The following CDYL variants were observed in gnomAD, a reference collection of about 807,000 sequenced individuals.
The protein encoded by CDYL is chromodomain Y like, also known as chromodomain Y-like protein.
CDYL carries 8 observed loss-of-function variants against 47.3 expected under a neutral mutation model. The observed-to-expected ratio is 0.17, with a 90% CI of 0.10 to 0.31. The LOEUF (loss-of-function observed/expected upper bound fraction) is 0.31. Among genes scored for constraint, CDYL ranks in the 10% least tolerant of loss-of-function variants. The probability of loss-of-function intolerance (pLI) is 1.00; values close to 1 mark genes in which losing one functional copy is unlikely to be tolerated. For synonymous variants in CDYL, 266 were observed against 265.0 expected, an observed-to-expected ratio of 1.00 and a Z score of -0.04; for missense variants, 471 against 701.4, an observed-to-expected ratio of 0.67 and a Z score of 3.71.
At position 4,726,277 on chromosome 6, in the gene CDYL, G is replaced by A. The variant is rs1233350364; in HGVS notation, c.104-8485G>A. ...ATTAGGCCGGCGTGGCGGCTCTCGC[G>A]CATAATCCCAGCACTTTGGGAGGCC... On this transcript the variant is annotated intron_variant, in intron 2 of 8. Transcript: ENST00000328908. Among the ~76,000 whole-genome samples the A allele has an allele frequency of 2.0e-5, 3 of 151,970 alleles. No individual in the cohort carries two copies. In the East Asian group the frequency reaches 5.8e-4, roughly 29 times the overall value.
At chr6:4,932,088 G>A (rs1355873933) in intron 2 of CDYL, among the ~76,000 whole-genome samples, 2 of 152,202 alleles carry the variant, frequency 1.3e-5, no homozygotes, top group African/African-American at 4.8e-5. Flanking sequence ...GTGAAAGCAA[G>A]AGCATTCCAG....
intron 1 of CDYL, among the ~76,000 whole-genome samples, chr6:4,873,980 G>A (rs1466837308): frequency 2.6e-5 from 4 of 152,072 alleles, no homozygotes; most frequent in Non-Finnish European, 5.9e-5. Flanking sequence ...ATTTCCTTGT[G>A]TTCATTCCTT....
chr6:4,746,048 A>T (rs1757890689), intron 3 of CDYL, among the ~76,000 whole-genome samples: 1 of 152,078 alleles, frequency 6.6e-6, no homozygotes, highest in Admixed American at 6.6e-5. Flanking sequence ...TACAAACGGG[A>T]CATCCAATGC....
intron 1 of CDYL, among the ~76,000 whole-genome samples, chr6:4,800,824 C>T (rs1759206086): frequency 6.6e-6 from 1 of 152,066 alleles, no homozygotes; most frequent in African/African-American, 2.4e-5. Context: ...CGTTGTTTTC[C>T]TGTTTATGAC....
upstream of CDYL, among the ~76,000 whole-genome samples, chr6:4,774,010 T>C (rs921409015): frequency 1.3e-5 from 2 of 152,220 alleles, no homozygotes; most frequent in African/African-American, 4.8e-5. Flanking sequence ...TCTATGTTCC[T>C]TTCTTTCCCT....
At chr6:4,948,230 A>C (rs1241592735) in intron 5 of CDYL, among the ~76,000 whole-genome samples, 1 of 152,094 alleles carries the variant, frequency 6.6e-6, no homozygotes, top group Non-Finnish European at 1.5e-5. Flanking sequence ...ATCTATGTAG[A>C]TGTGTGGTGT....
At chr6:4,826,387 G>T (rs556580187) in intron 1 of CDYL, among the ~76,000 whole-genome samples, 11 of 151,564 alleles carry the variant, frequency 7.3e-5, no homozygotes, top group Admixed American at 2.0e-4. Flanking sequence ...CATCCTTCTG[G>T]TACCTTCGGG....
intron 3 of CDYL, among the ~76,000 whole-genome samples, chr6:4,755,854 G>C (rs1305557486): frequency 1.3e-5 from 2 of 152,002 alleles, no homozygotes; most frequent in African/African-American, 4.8e-5. Flanking sequence ...ATGTTAAGTG[G>C]TCTCCCAAAA....
At chr6:4,770,116 C>T (rs1481720772) in intron 3 of CDYL, among the ~76,000 whole-genome samples, 5 of 152,026 alleles carry the variant, frequency 3.3e-5, no homozygotes, top group African/African-American at 9.7e-5. Context: ...GGATTACAGG[C>T]GTGAGCCATG....
At chr6:4,766,698 A>G (rs1234299604) in intron 3 of CDYL, among the ~76,000 whole-genome samples, 1 of 152,068 alleles carries the variant, frequency 6.6e-6, no homozygotes, top group East Asian at 1.9e-4. Flanking sequence ...GATCTCCATA[A>G]CCTTGATATT....
intron 3 of CDYL, among the ~76,000 whole-genome samples, chr6:4,758,351 A>AAAAAAAAAATATATATAT (rs1554134098): frequency 7.7e-6 from 1 of 129,074 alleles, no homozygotes; most frequent in African/African-American, 3.1e-5. Context: ...AAAATAAATA[A>AAAAAAAAAATATATATAT]ATATATATAT....
At chr6:4,935,450 A>G in intron 2 of CDYL, 65 bp from the exon 3 acceptor site, 1 of 1,362,916 alleles carries the variant, frequency 7.3e-7, no homozygotes, top group Non-Finnish European at 1.0e-6. Flanking sequence ...CAATTCAAAG[A>G]TGACACCTGG....
At chr6:4,936,833 A>G (rs1370009292) in intron 3 of CDYL, among the ~76,000 whole-genome samples, 1 of 151,360 alleles carries the variant, frequency 6.6e-6, no homozygotes, top group East Asian at 1.9e-4. Context: ...TAAGAGCCGC[A>G]ATTTGCCTTA....
At chr6:4,952,739 G>GCA (rs1361763951) in intron 6 of CDYL, among the ~76,000 whole-genome samples, 6 of 151,976 alleles carry the variant, frequency 3.9e-5, no homozygotes, top group African/African-American at 1.2e-4. Flanking sequence ...CTTCTCCCCT[G>GCA]TTTCCCCACA....
At chr6:4,798,307 G>A (rs1480399379) in intron 1 of CDYL, among the ~76,000 whole-genome samples, 1 of 152,066 alleles carries the variant, frequency 6.6e-6, no homozygotes, top group Non-Finnish European at 1.5e-5. Context: ...GTGAGGATTT[G>A]GGGATAAGTT....
intron 1 of CDYL, among the ~76,000 whole-genome samples, chr6:4,821,780 A>T (rs572650071): frequency 1.3e-5 from 2 of 152,030 alleles, no homozygotes. Context: ...TGTGTTCCTA[A>T]TATTTGTGGC....
intron 2 of CDYL, among the ~76,000 whole-genome samples, chr6:4,900,301 T>C (rs1405334121): frequency 1.3e-5 from 2 of 152,226 alleles, no homozygotes; most frequent in East Asian, 1.9e-4. Context: ...GTTTTAAACT[T>C]TATATAAATA....
chr6:4,921,137 T>C (rs1310873569), intron 2 of CDYL, among the ~76,000 whole-genome samples: 2 of 152,082 alleles, frequency 1.3e-5, no homozygotes, highest in Non-Finnish European at 2.9e-5. Context: ...AGCTTCAGGG[T>C]AGGTGGGTAG....
At chr6:4,924,532 A>G (rs1458127836) in intron 2 of CDYL, among the ~76,000 whole-genome samples, 2 of 152,212 alleles carry the variant, frequency 1.3e-5, no homozygotes, top group Non-Finnish European at 2.9e-5. Context: ...AGTTTAAAGC[A>G]TTCTCTGAAT....
Sources: allele counts gnomAD v4.1 joint callset (sites outside exome capture counted in the v4.1 genomes callset), GRCh38; gene constraint gnomAD v4.1.1; transcripts MANE v1.5; gene names NCBI Gene and HGNC (gene_info 2026-07-23, HGNC 2026-07-21).